DYNC2H1: variants seen among roughly 807,000 people sequenced by gnomAD.
The protein encoded by DYNC2H1 is dynein cytoplasmic 2 heavy chain 1.
Under a neutral mutation model 570.0 loss-of-function variants are expected in DYNC2H1, and 410 were observed. The observed-to-expected ratio is 0.72, with a 90% CI of 0.66 to 0.78. The LOEUF (loss-of-function observed/expected upper bound fraction) is 0.78. Ranked by LOEUF, DYNC2H1 falls within the 30% of genes least tolerant of loss-of-function variation. The pLI is 0.00. For missense variants in DYNC2H1, 4,865 were observed against 5,046.4 expected, an observed-to-expected ratio of 0.96 and a Z score of 1.09; for synonymous variants, 1,688 against 1,677.6, an observed-to-expected ratio of 1.01 and a Z score of -0.15.
chr11:103,140,007 AG>A (rs1859813566), intron 17 of DYNC2H1, among the ~76,000 whole-genome samples: 1 of 152,020 alleles, frequency 6.6e-6, no homozygotes, highest in Non-Finnish European at 1.5e-5. Flanking sequence ...GTTGGTTTAA[AG>A]TCTGTTTTAT....
rs951355219 is a variant in DYNC2H1, at chr11:103,479,416, T to G, written c.*163T>G. 7.8e-6 allele frequency: 5 copies of G among 642,554 alleles called. No individual in the cohort carries two copies. In the East Asian group the frequency reaches 1.6e-4, roughly 20 times the overall value. The allele number at this position is 642,554 out of a possible 1,614,324, so 39.8% of individuals were successfully genotyped here. On this transcript the variant is annotated 3_prime_UTR_variant, in exon 89 of 89. Transcript: ENST00000375735. ...ATTTTAATGTGTAAAAGCAGCACTG[T>G]GCATCTTTTAAAGTAATAAATTAAT...
At chr11:103,424,952 T>TAG (rs1482281839) in intron 84 of DYNC2H1, among the ~76,000 whole-genome samples, 4 of 152,204 alleles carry the variant, frequency 2.6e-5, no homozygotes, top group African/African-American at 9.7e-5. Flanking sequence ...TTTTGTTTTG[T>TAG]AGAGACAGGG....
chr11:103,352,589 A>G (rs2135512730), intron 82 of DYNC2H1, among the ~76,000 whole-genome samples: 1 of 152,306 alleles, frequency 6.6e-6, no homozygotes, highest in Non-Finnish European at 1.5e-5. Context: ...GATCTGTGTG[A>G]TATCAACTCT....
chr11:103,162,393 G>C (rs1301268002), intron 29 of DYNC2H1, among the ~76,000 whole-genome samples: 1 of 152,122 alleles, frequency 6.6e-6, no homozygotes, highest in African/African-American at 2.4e-5. Context: ...AGGTTAAGAA[G>C]TGATTCATAA....
At position 103,209,934 on chromosome 11, in the gene DYNC2H1, G is replaced by A. The variant is rs766069993; in HGVS notation, c.8513G>A (p.Arg2838Gln). 9.4e-6 allele frequency: 14 copies of A among 1,489,630 alleles called. No individual in the cohort carries two copies. The highest frequency in any genetic ancestry group is 1.3e-5 in the South Asian group (1 of 75,424). 92.3% of individuals were successfully genotyped at this position (1,489,630 alleles called of 1,614,324 possible). ...GGGEKYNDKK[R>Q]KEEKKKNSVD... ...GGAGAAAAATACAATGATAAAAAAC[G>A]AAAAGAAGAAAAGAAAAAAAATTCA... Residue 2838 changes from arginine (R) to glutamine (Q), a missense_variant, in exon 53 of 89, where the codon CGA becomes CAA. Coordinates refer to ENST00000375735, the MANE Select transcript of DYNC2H1 (RefSeq NM_001377.3). This position sits in a 1 kb window ranked among gnomAD's most constrained non-coding sequence, Gnocchi z 4.2.
chr11:103,215,381 T>A (rs1488518184), intron 54 of DYNC2H1, among the ~76,000 whole-genome samples: 1 of 152,202 alleles, frequency 6.6e-6, no homozygotes, highest in African/African-American at 2.4e-5. Flanking sequence ...TTATCAGATG[T>A]GTTTTCTGTG....
At chr11:103,235,608 T>C in intron 61 of DYNC2H1, 64 bp from the exon 62 acceptor site, 2 of 1,440,160 alleles carry the variant, frequency 1.4e-6, no homozygotes, top group Non-Finnish European at 1.8e-6. Flanking sequence ...CATAAAACTG[T>C]CATTTTCTTT....
chr11:103,228,282 A>G lies in DYNC2H1; in HGVS notation c.9354-2978A>G, dbSNP rs530640376. Among the ~76,000 whole-genome samples, 95 of 152,290 alleles carry G rather than the reference A, an allele frequency of 6.2e-4. No homozygotes were observed. The highest frequency in any genetic ancestry group is 1.0e-3 in the South Asian group (5 of 4,818). Reference sequence around the variant, plus strand: ...AACCTTGTTTTGTCATATTACCACAATTGTTTTTCTGGTTCCTTCTCATTT... The same window carrying G: ...AACCTTGTTTTGTCATATTACCACAGTTGTTTTTCTGGTTCCTTCTCATTT... On this transcript the variant is annotated intron_variant, in intron 59 of 88. Coordinates refer to ENST00000375735, the MANE Select transcript of DYNC2H1 (RefSeq NM_001377.3). This position sits in a 1 kb window ranked among gnomAD's most constrained non-coding sequence, Gnocchi z 6.1.
intron 85 of DYNC2H1, among the ~76,000 whole-genome samples, chr11:103,442,970 T>C (rs2458642): frequency 9.4e-5 from 4 of 42,696 alleles, no homozygotes; most frequent in South Asian, 1.2e-3. Flanking sequence ...TTATGAGCCC[T>C]TTTTTTTTTT....
intron 54 of DYNC2H1, among the ~76,000 whole-genome samples, chr11:103,213,127 G>T (rs1314335821): frequency 6.6e-6 from 1 of 152,120 alleles, no homozygotes; most frequent in African/African-American, 2.4e-5. Flanking sequence ...GTAGGATGGG[G>T]TACCATAATG....
At chr11:103,336,742 C>A (rs1285781766) in intron 82 of DYNC2H1, among the ~76,000 whole-genome samples, 1 of 152,150 alleles carries the variant, frequency 6.6e-6, no homozygotes, top group African/African-American at 2.4e-5. Flanking sequence ...CATATCTTGA[C>A]TATTGTGAAT....
At chr11:103,117,249 A>G (rs1191276206) in intron 5 of DYNC2H1, among the ~76,000 whole-genome samples, 1 of 146,834 alleles carries the variant, frequency 6.8e-6, no homozygotes, top group Non-Finnish European at 1.5e-5. Flanking sequence ...TATATTTAAT[A>G]TATATATTTT....
At chr11:103,440,876 T>C (rs544255947) in intron 85 of DYNC2H1, among the ~76,000 whole-genome samples, 32 of 152,282 alleles carry the variant, frequency 2.1e-4, no homozygotes, top group African/African-American at 7.2e-4. Flanking sequence ...CTATCCGTAC[T>C]ACCACTACCT....
At chr11:103,452,809 T>C (rs1944657380) in intron 85 of DYNC2H1, among the ~76,000 whole-genome samples, 1 of 152,058 alleles carries the variant, frequency 6.6e-6, no homozygotes, top group African/African-American at 2.4e-5. Flanking sequence ...ATAAGCTGTT[T>C]GCATTCAGTA....
chr11:103,240,018 A>G (rs1252576031), intron 63 of DYNC2H1, among the ~76,000 whole-genome samples: 1 of 142,450 alleles, frequency 7.0e-6, no homozygotes, highest in East Asian at 2.0e-4. Flanking sequence ...GCCTTTAACT[A>G]AATTCACCAT....
intron 63 of DYNC2H1, among the ~76,000 whole-genome samples, chr11:103,242,909 C>T (rs920089513): frequency 7.2e-5 from 11 of 151,962 alleles, no homozygotes; most frequent in African/African-American, 2.2e-4. Context: ...TTGGTAGAGA[C>T]GGGGTTTCAC....
chr11:103,127,247 G>A (rs1213516202), intron 12 of DYNC2H1, among the ~76,000 whole-genome samples: 1 of 152,086 alleles, frequency 6.6e-6, no homozygotes, highest in Non-Finnish European at 1.5e-5. Context: ...GACACAATAG[G>A]AGCTCAAAAA....
chr11:103,253,346 CT>C lies in DYNC2H1; in HGVS notation c.10109del (p.Leu3370CysfsTer35), dbSNP rs431905500. 1.1e-5 allele frequency: 17 copies of C among 1,613,300 alleles called. No individual in the cohort carries two copies. In the African/African-American group the frequency reaches 1.2e-4, roughly 11 times the overall value. ...IIDYNEEFRL[F>X]LSTRNPNPFI... ...TTGACTACAATGAAGAATTCCGCCTCTTTTTGTCAACAAGAAACCCAAATCC... is the reference window on the plus strand; with the variant it reads ...TTGACTACAATGAAGAATTCCGCCTCTTTTGTCAACAAGAAACCCAAATCC... On this transcript the variant is annotated frameshift_variant, in exon 66 of 89. Transcript: ENST00000375735. LOFTEE classifies it high-confidence loss of function.
At chr11:103,267,562 TTATAGA>T (rs1164550378) in intron 70 of DYNC2H1, among the ~76,000 whole-genome samples, 1 of 152,040 alleles carries the variant, frequency 6.6e-6, no homozygotes, top group Non-Finnish European at 1.5e-5. Context: ...GTTTCATTAG[TTATAGA>T]TATCCTGTTT....
Sources: gnomAD v4.1 joint callset for allele counts (sites outside exome capture counted in the v4.1 genomes callset) on GRCh38, gnomAD v4.1.1 for gene constraint, Gnocchi (gnomAD v3.1) non-coding constraint, MANE v1.5 for transcripts, NCBI Gene and HGNC (gene_info 2026-07-23, HGNC 2026-07-21) for gene names.